Variants in NPAS3 observed in about 807,000 individuals in gnomAD.
The protein encoded by NPAS3 is neuronal PAS domain-containing protein 3.
Under a neutral mutation model 73.1 loss-of-function variants are expected in NPAS3, and 14 were observed. The observed-to-expected ratio is 0.19, with a 90% CI of 0.13 to 0.30. The LOEUF is 0.30. Among genes scored for constraint, NPAS3 ranks in the 10% least tolerant of loss-of-function variants. The pLI, the probability that NPAS3 is intolerant of heterozygous loss-of-function variation, is 1.00. For missense variants in NPAS3, 1,096 were observed against 1,250.0 expected, an observed-to-expected ratio of 0.88 and a Z score of 1.86; for synonymous variants, 620 against 541.5, an observed-to-expected ratio of 1.14 and a Z score of -2.01.
At chr14:33,016,274 C>T (rs761157114) in intron 1 of NPAS3, among the ~76,000 whole-genome samples, 18 of 152,046 alleles carry the variant, frequency 1.2e-4, no homozygotes, top group African/African-American at 3.4e-4. Context: ...ATTTTTGCCC[C>T]GCTTAATACA....
At chr14:33,336,931 T>C (rs905523769) in intron 3 of NPAS3, among the ~76,000 whole-genome samples, 11 of 152,192 alleles carry the variant, frequency 7.2e-5, no homozygotes, top group African/African-American at 2.7e-4. Context: ...TTGGGTTGTT[T>C]GTCTTTGTCT....
At position 33,495,332 on chromosome 14, in the gene NPAS3, G is replaced by T. The variant is rs6571601; in HGVS notation, c.469-64789G>T. 9.1e-3 allele frequency among the ~76,000 whole-genome samples: 1,387 copies of T among 152,178 alleles called. 20 individuals are homozygous for T. Among genetic ancestry groups the T allele is most frequent in the African/African-American group, 0.032 (1,313 of 41,522 alleles). On this transcript the variant is annotated intron_variant, in intron 4 of 11. Transcript: ENST00000356141. Reference sequence around the variant, plus strand: ...TGAGTTCTAATTTGATTGCACTGTGGTCTGAGAGACTGTTATGATTTCCAT... The same window carrying T: ...TGAGTTCTAATTTGATTGCACTGTGTTCTGAGAGACTGTTATGATTTCCAT...
intron 4 of NPAS3, among the ~76,000 whole-genome samples, chr14:33,384,842 G>C (rs2046708390): frequency 6.6e-6 from 1 of 152,106 alleles, no homozygotes; most frequent in Non-Finnish European, 1.5e-5. Context: ...CTACCACCCA[G>C]GAATCTAGTT....
intron 9 of NPAS3, among the ~76,000 whole-genome samples, chr14:33,791,196 C>T (rs1222036487): frequency 1.3e-5 from 2 of 152,154 alleles, no homozygotes; most frequent in African/African-American, 4.8e-5. Flanking sequence ...GGTGGGCTCC[C>T]GAACCTGCTT....
intron 5 of NPAS3, among the ~76,000 whole-genome samples, chr14:33,666,401 C>T (rs1189228624): frequency 6.6e-6 from 1 of 152,192 alleles, no homozygotes; most frequent in African/African-American, 2.4e-5. Context: ...GGTTCACAAC[C>T]ACCTCTGGGT....
intron 5 of NPAS3, among the ~76,000 whole-genome samples, chr14:33,623,570 A>G (rs2058139526): frequency 1.3e-5 from 2 of 152,120 alleles, no homozygotes; most frequent in African/African-American, 4.8e-5. Context: ...TTGCCTCCCG[A>G]CCCAACAACC....
intron 8 of NPAS3, 35 bp downstream of exon 8, chr14:33,774,565 C>A: frequency 6.5e-7 from 1 of 1,541,218 alleles, no homozygotes; most frequent in Middle Eastern, 1.8e-4. Flanking sequence ...CCCTGTTGCA[C>A]GTTGCACATT....
intron 1 of NPAS3, among the ~76,000 whole-genome samples, chr14:33,009,267 C>T (rs1486226096): frequency 6.6e-6 from 1 of 152,144 alleles, no homozygotes; most frequent in South Asian, 2.1e-4. Flanking sequence ...AACCAAAAGA[C>T]ATCATAGTTT....
chr14:33,101,111 C>A (rs1411561746), intron 2 of NPAS3, among the ~76,000 whole-genome samples: 2 of 151,986 alleles, frequency 1.3e-5, no homozygotes, highest in Admixed American at 1.3e-4. Context: ...TGGATTTCCC[C>A]AGACATACCA....
chr14:33,433,779 C>T (rs976556179), intron 4 of NPAS3, among the ~76,000 whole-genome samples: 4 of 152,202 alleles, frequency 2.6e-5, no homozygotes, highest in Admixed American at 6.5e-5. Context: ...AGCCTGAAAA[C>T]AGCCTTTTCT....
intron 1 of NPAS3, among the ~76,000 whole-genome samples, chr14:33,028,813 G>A (rs1007508640): frequency 6.6e-6 from 1 of 152,046 alleles, no homozygotes; most frequent in Admixed American, 6.6e-5. Flanking sequence ...ATACATATAT[G>A]TATATATTTT....
At chr14:33,666,966 A>T (rs368795778) in intron 5 of NPAS3, among the ~76,000 whole-genome samples, 1 of 152,202 alleles carries the variant, frequency 6.6e-6, no homozygotes, top group Non-Finnish European at 1.5e-5. Flanking sequence ...ACAGAAACAC[A>T]TTGCAAACCC....
At chr14:33,142,618 T>A (rs1017534525) in intron 2 of NPAS3, among the ~76,000 whole-genome samples, 1 of 152,222 alleles carries the variant, frequency 6.6e-6, no homozygotes, top group Non-Finnish European at 1.5e-5. Flanking sequence ...TCTTGACATA[T>A]TGGTTTCTCC....
chr14:33,270,323 G>C (rs1483417955), intron 3 of NPAS3, among the ~76,000 whole-genome samples: 2 of 152,168 alleles, frequency 1.3e-5, no homozygotes, highest in Non-Finnish European at 2.9e-5. Context: ...GGAAGGGGTA[G>C]TAGAAAGGCA....
intron 1 of NPAS3, among the ~76,000 whole-genome samples, chr14:32,996,545 C>G (rs964922490): frequency 6.6e-6 from 1 of 152,142 alleles, no homozygotes; most frequent in Non-Finnish European, 1.5e-5. Context: ...TGTGTGCAGC[C>G]TTGGGATGTG....
intron 5 of NPAS3, among the ~76,000 whole-genome samples, chr14:33,669,351 A>G (rs1285953379): frequency 6.6e-6 from 1 of 152,208 alleles, no homozygotes; most frequent in East Asian, 1.9e-4. Context: ...GGAACCTTGT[A>G]AAACAAGGTT....
intron 11 of NPAS3, among the ~76,000 whole-genome samples, chr14:33,799,416 C>T (rs2063613016): frequency 6.6e-6 from 1 of 152,206 alleles, no homozygotes; most frequent in African/African-American, 2.4e-5. Flanking sequence ...ACCTGGGGGT[C>T]ATATTCCAAC....
chr14:33,647,912 A>T (rs1298290007), intron 5 of NPAS3, among the ~76,000 whole-genome samples: 2 of 152,226 alleles, frequency 1.3e-5, no homozygotes, highest in Non-Finnish European at 2.9e-5. Context: ...TGTATAGAAC[A>T]TCTTACTAAC....
chr14:33,657,596 G>A (rs2059181194), intron 5 of NPAS3, among the ~76,000 whole-genome samples: 1 of 152,168 alleles, frequency 6.6e-6, no homozygotes, highest in South Asian at 2.1e-4. Context: ...CAGCATGTGT[G>A]AGATTGCTTT....
Sources: allele counts gnomAD v4.1 joint callset (sites outside exome capture counted in the v4.1 genomes callset), GRCh38; gene constraint gnomAD v4.1.1; transcripts MANE v1.5; gene names NCBI Gene and HGNC (gene_info 2026-07-23, HGNC 2026-07-21).